Variants in ANK2 observed in about 807,000 individuals in gnomAD.
The protein encoded by ANK2 is ankyrin-2.
In ANK2, 83 loss-of-function variants were observed where a neutral mutation model predicts 360.5. The ratio of observed to expected loss-of-function variants is 0.23; its 90% CI spans 0.19 to 0.28. ANK2 has a LOEUF of 0.28. ANK2 is among the 10% of genes least tolerant of loss of function. ANK2 has a pLI of 1.00. For synonymous variants in ANK2, 1,740 were observed against 1,759.5 expected (o/e 0.99, Z 0.28); for missense variants, 4,201 against 4,795.7 (o/e 0.88, Z 3.66).
chr4:113,265,020 T>C, intron 14 of ANK2, 25 bp downstream of exon 14: 2 of 1,548,644 alleles, frequency 1.3e-6, no homozygotes, highest in Non-Finnish European at 1.7e-6. Flanking sequence ...CCTGAGGTTC[T>C]CTTCTATCGC....
At chr4:113,183,585 T>C (rs2098457955) in intron 2 of ANK2, among the ~76,000 whole-genome samples, 1 of 152,178 alleles carries the variant, frequency 6.6e-6, no homozygotes, top group Non-Finnish European at 1.5e-5. Flanking sequence ...CGTGAAAAGA[T>C]GAATAGGCTC....
At chr4:113,312,787 T>C (rs1053829369) in intron 24 of ANK2, among the ~76,000 whole-genome samples, 2 of 152,130 alleles carry the variant, frequency 1.3e-5, no homozygotes, top group African/African-American at 4.8e-5. Flanking sequence ...GGACGGGAAT[T>C]ATATTTGCAT....
chr4:113,293,352 G>T (rs2068897049), intron 21 of ANK2, 88 bp from the exon 22 acceptor site: 2 of 1,132,702 alleles, frequency 1.8e-6, no homozygotes, highest in African/African-American at 1.5e-5. Context: ...GGAAATGCTG[G>T]CTGATGCAGA....
intron 1 of ANK2, among the ~76,000 whole-genome samples, chr4:112,842,329 A>T (rs1046771381): frequency 2.0e-5 from 3 of 152,206 alleles, no homozygotes; most frequent in Non-Finnish European, 2.9e-5. Context: ...TTCAATGTTG[A>T]CAAATATCTG....
the ANK2 span, among the ~76,000 whole-genome samples, chr4:112,781,077 G>A: frequency 5.3e-5 from 8 of 152,204 alleles, no homozygotes; most frequent in African/African-American, 1.4e-4. Flanking sequence ...ACAGCTCACC[G>A]CAGCCTCCAC....
At chr4:112,946,663 G>A (rs1391886864) in intron 2 of ANK2, among the ~76,000 whole-genome samples, 5 of 152,156 alleles carry the variant, frequency 3.3e-5, no homozygotes, top group Admixed American at 3.3e-4. Flanking sequence ...ATTCATAAGT[G>A]TAAAAATCTA....
At chr4:112,920,040 T>G (rs2151154968) in intron 2 of ANK2, among the ~76,000 whole-genome samples, 1 of 152,228 alleles carries the variant, frequency 6.6e-6, no homozygotes, top group African/African-American at 2.4e-5. Context: ...TTCAGATCAT[T>G]TGGTCCAATG....
intron 2 of ANK2, among the ~76,000 whole-genome samples, chr4:112,913,193 A>G (rs559686446): frequency 6.6e-6 from 1 of 152,332 alleles, no homozygotes; most frequent in South Asian, 2.1e-4. Flanking sequence ...GCATAGTGCT[A>G]TATTAAATAT....
intron 1 of ANK2, among the ~76,000 whole-genome samples, chr4:112,863,575 T>C (rs2068894232): frequency 7.1e-6 from 1 of 140,136 alleles, no homozygotes; most frequent in Non-Finnish European, 1.5e-5. Context: ...CAGGCTGGAG[T>C]GCAGTGGCGC....
chr4:112,897,110 T>C (rs944215686), intron 1 of ANK2, among the ~76,000 whole-genome samples: 17 of 152,176 alleles, frequency 1.1e-4, no homozygotes, highest in Non-Finnish European at 1.8e-4. Flanking sequence ...TTCTCTGAGC[T>C]TCTCTGATAA....
At chr4:112,958,434 A>G (rs2032390964) in intron 2 of ANK2, among the ~76,000 whole-genome samples, 2 of 152,158 alleles carry the variant, frequency 1.3e-5, no homozygotes, top group African/African-American at 4.8e-5. Context: ...TCCACCAAAA[A>G]AATACGAAAA....
At chr4:113,278,747 T>C (rs1484600083) in intron 17 of ANK2, among the ~76,000 whole-genome samples, 189 bp downstream of exon 17, 1 of 152,194 alleles carries the variant, frequency 6.6e-6, no homozygotes, top group Non-Finnish European at 1.5e-5. Context: ...TTTTTTAAGA[T>C]TTTTTAAGAG....
At chr4:113,239,783 G>A (rs987965441) in intron 7 of ANK2, among the ~76,000 whole-genome samples, 4 of 152,066 alleles carry the variant, frequency 2.6e-5, no homozygotes, top group African/African-American at 9.7e-5. Flanking sequence ...ACACTTTATT[G>A]TATTGATAAA....
chr4:113,319,488 C>T (rs2084808377), intron 26 of ANK2, among the ~76,000 whole-genome samples: 1 of 151,442 alleles, frequency 6.6e-6, no homozygotes, highest in South Asian at 2.1e-4. Context: ...TTATTATCCC[C>T]AAATCCTTAT....
chr4:113,298,151 A>G (rs1186256797), intron 22 of ANK2, among the ~76,000 whole-genome samples: 1 of 152,218 alleles, frequency 6.6e-6, no homozygotes, highest in Admixed American at 6.5e-5. Flanking sequence ...TGTCTCAATT[A>G]CATCTAATTG....
the ANK2 span, chr4:112,788,932 C>A: frequency 1.6e-6 from 1 of 622,480 alleles, no homozygotes; most frequent in South Asian, 2.0e-5. Context: ...TATACTTCAT[C>A]ATCTCAAATA....
chr4:112,825,639 C>A (rs2058261068), intron 1 of ANK2, among the ~76,000 whole-genome samples: 1 of 152,168 alleles, frequency 6.6e-6, no homozygotes. Flanking sequence ...GCACCTATAA[C>A]AAAAGACAGA....
At chr4:112,971,956 T>C (rs1456887453) in intron 2 of ANK2, among the ~76,000 whole-genome samples, 1 of 152,196 alleles carries the variant, frequency 6.6e-6, no homozygotes, top group Non-Finnish European at 1.5e-5. Flanking sequence ...TGCACCTACT[T>C]GAACCATCTC....
intron 14 of ANK2, among the ~76,000 whole-genome samples, chr4:113,267,736 C>G (rs1272327300): frequency 1.3e-5 from 2 of 152,112 alleles, no homozygotes; most frequent in Admixed American, 6.5e-5. Context: ...CATATGGGCT[C>G]TTTTTTGGTT....
Sources: gnomAD v4.1 joint callset for allele counts (sites outside exome capture counted in the v4.1 genomes callset) on GRCh38, gnomAD v4.1.1 for gene constraint, MANE v1.5 for transcripts, NCBI Gene and HGNC (gene_info 2026-07-23, HGNC 2026-07-21) for gene names.